The following AGPAT4 variants were observed in gnomAD, a reference collection of about 807,000 sequenced individuals.
AGPAT4 encodes the protein 1-acylglycerol-3-phosphate O-acyltransferase 4, also known as 1-acyl-sn-glycerol-3-phosphate acyltransferase delta.
In AGPAT4, 15 loss-of-function variants were observed where a neutral mutation model predicts 48.0. The ratio of observed to expected loss-of-function variants is 0.31; its 90% CI spans 0.21 to 0.48. The LOEUF is 0.48. Ranked by LOEUF, AGPAT4 falls within the 20% of genes least tolerant of loss-of-function variation. The probability of loss-of-function intolerance (pLI) is 0.99; values close to 1 mark genes in which losing one functional copy is unlikely to be tolerated. For missense variants in AGPAT4, 314 were observed against 482.5 expected (o/e 0.65, Z 3.27); for synonymous variants, 178 against 198.7 (o/e 0.90, Z 0.88).
chr6:161,152,967 G>A (rs1779635229), intron 5 of AGPAT4, among the ~76,000 whole-genome samples: 2 of 152,238 alleles, frequency 1.3e-5, no homozygotes, highest in African/African-American at 2.4e-5. Context: ...CAGACCACAA[G>A]GTCAGAGTTC....
chr6:161,266,466 A>C lies in AGPAT4; in HGVS notation c.-90+7472T>G, dbSNP rs1022145771. Among the ~76,000 whole-genome samples the C allele has an allele frequency of 1.1e-4, 16 of 152,208 alleles. No homozygotes were observed. Among genetic ancestry groups the C allele is most frequent in the Non-Finnish European group, 1.5e-4 (10 of 68,028 alleles). On this transcript the variant is annotated intron_variant, in intron 1 of 8. Coordinates refer to ENST00000320285, the MANE Select transcript of AGPAT4 (RefSeq NM_020133.3). The surrounding 1 kb of genome is among the most constrained non-coding windows in gnomAD (Gnocchi z 6.2). ...TGAAGAGAGGACTGTAATCATTGTCATGGCATGTAATTATGCATCTAGAAA... is the reference window on the plus strand; with the variant it reads ...TGAAGAGAGGACTGTAATCATTGTCCTGGCATGTAATTATGCATCTAGAAA...
chr6:161,232,265 T>A lies in AGPAT4; in HGVS notation c.-52A>T. Reference sequence around the variant, plus strand: ...TAAATAACTACCCACAGTCAAAGATTTCCAGAAGGAAGAAAGATCCAGGAC... The same window carrying A: ...TAAATAACTACCCACAGTCAAAGATATCCAGAAGGAAGAAAGATCCAGGAC... On this transcript the variant is annotated 5_prime_UTR_variant, in exon 2 of 9. Transcript: ENST00000320285. The surrounding 1 kb of genome is among the most constrained non-coding windows in gnomAD (Gnocchi z 6.8). The A allele has an allele frequency of 6.5e-7, 1 of 1,548,624 alleles. No homozygotes were observed. The highest frequency in any genetic ancestry group is 8.8e-7 in the Non-Finnish European group (1 of 1,139,268).
At position 161,146,301 on chromosome 6, in the gene AGPAT4, G is replaced by A. The variant is rs2277091; in HGVS notation, c.843+223C>T. ...GATTGGGGCCATTACTTCTCCCTTG[G>A]TCCACTACACCTAGAGAATAGCTTC... is the stretch of plus-strand genomic sequence containing the variant. On this transcript the variant is annotated intron_variant, in intron 7 of 8. Transcript: ENST00000320285. The surrounding 1 kb of genome is among the most constrained non-coding windows in gnomAD (Gnocchi z 7.1). Among the ~76,000 whole-genome samples, 47,578 of 150,500 alleles carry A rather than the reference G, an allele frequency of 0.32. 9,213 individuals are homozygous for A. The highest frequency in any genetic ancestry group is 0.43 in the Middle Eastern group (125 of 294).
intron 1 of AGPAT4, among the ~76,000 whole-genome samples, chr6:161,263,586 G>A (rs189467544): frequency 6.6e-6 from 1 of 152,206 alleles, no homozygotes; most frequent in East Asian, 1.9e-4. Context: ...GGCAAAAATT[G>A]GAATGAATAT....
At position 161,140,618 on chromosome 6, in the gene AGPAT4, A is replaced by C. The variant is rs1253794862; in HGVS notation, c.844-998T>G. Among the ~76,000 whole-genome samples, 2 of 152,238 alleles carry C rather than the reference A, an allele frequency of 1.3e-5. No homozygotes were observed. The stretch of plus-strand genomic sequence containing the variant: ...ACACAAGGGAGGGACCCAGGAACCC[A>C]GGTCAGCAGGCGTGCTCAAGCGGCT... On this transcript the variant is annotated intron_variant, in intron 7 of 8. Transcript: ENST00000320285. This position sits in a 1 kb window ranked among gnomAD's most constrained non-coding sequence, Gnocchi z 6.5.
chr6:161,204,223 TTG>T lies in AGPAT4; in HGVS notation c.178+27811_178+27812del, dbSNP rs778379045. Among the ~76,000 whole-genome samples, 19 of 152,306 alleles carry T rather than the reference TTG, an allele frequency of 1.2e-4. No homozygotes were observed. In the East Asian group the frequency reaches 3.7e-3, roughly 29 times the overall value. ...ATTAGTAAGTGTACATAAAAGGGAT[TTG>T]TGTGTTTATTAATAATTTTGTCTAT... On this transcript the variant is annotated intron_variant, in intron 2 of 8. Coordinates refer to ENST00000320285, the MANE Select transcript of AGPAT4 (RefSeq NM_020133.3). This position sits in a 1 kb window ranked among gnomAD's most constrained non-coding sequence, Gnocchi z 4.4.
chr6:161,152,694 G>A (rs1342018628), intron 5 of AGPAT4, among the ~76,000 whole-genome samples: 2 of 152,190 alleles, frequency 1.3e-5, no homozygotes, highest in Admixed American at 1.3e-4. Context: ...CTCCAGGAAG[G>A]AGACAGCTTC....
Position 161,261,276 on chromosome 6 carries a change from A to T in AGPAT4, c.-90+12662T>A, listed in dbSNP as rs558016185. On this transcript the variant is annotated intron_variant, in intron 1 of 8. Coordinates refer to ENST00000320285, the MANE Select transcript of AGPAT4 (RefSeq NM_020133.3). This position sits in a 1 kb window ranked among gnomAD's most constrained non-coding sequence, Gnocchi z 5.3. ...GGCCACTTACTGACTGCACGAGTCC[A>T]TGAGACAAACAACAGAAAAGACCCG... 4.6e-5 allele frequency among the ~76,000 whole-genome samples: 7 copies of T among 152,334 alleles called. No homozygotes were observed. The highest frequency in any genetic ancestry group is 1.7e-4 in the African/African-American group (7 of 41,584).
rs1320689500 is a variant in AGPAT4 at position 161,142,122 on chromosome 6, G to A, written c.844-2502C>T. On this transcript the variant is annotated intron_variant, in intron 7 of 8. Transcript: ENST00000320285. This position sits in a 1 kb window ranked among gnomAD's most constrained non-coding sequence, Gnocchi z 6.4. ...TCCTGCCTCAGCCTCCCAAAGTGTTGGGATTACAGGCGTGAGCCATTGCGC... is the reference window on the plus strand; with the variant it reads ...TCCTGCCTCAGCCTCCCAAAGTGTTAGGATTACAGGCGTGAGCCATTGCGC... Among the ~76,000 whole-genome samples, 1 of 152,198 alleles carries A rather than the reference G, an allele frequency of 6.6e-6. No individual in the cohort carries two copies. The highest frequency in any genetic ancestry group is 1.5e-5 in the Non-Finnish European group (1 of 68,038).
Position 161,230,510 on chromosome 6 carries a change from G to A in AGPAT4, c.178+1526C>T, listed in dbSNP as rs561147125. ...AATTATAAACATCTTTTAAATCTCA[G>A]TCAACTGTCTCCTTTCCCTTGATTA... is the stretch of plus-strand genomic sequence containing the variant. On this transcript the variant is annotated intron_variant, in intron 2 of 8. Coordinates refer to ENST00000320285, the MANE Select transcript of AGPAT4 (RefSeq NM_020133.3). 1.1e-4 allele frequency among the ~76,000 whole-genome samples: 16 copies of A among 152,324 alleles called. No homozygotes were observed. In the South Asian group the frequency reaches 3.3e-3, roughly 32 times the overall value.
At chr6:161,192,640 A>G (rs892527978) in intron 2 of AGPAT4, among the ~76,000 whole-genome samples, 1 of 152,114 alleles carries the variant, frequency 6.6e-6, no homozygotes, top group Non-Finnish European at 1.5e-5. Context: ...ATCTCAGGTC[A>G]TCTGAGATCT....
At position 161,165,085 on chromosome 6, in the gene AGPAT4, A is replaced by G. The variant is rs902370973; in HGVS notation, c.348+1163T>C. Among the ~76,000 whole-genome samples the G allele has an allele frequency of 8.5e-5, 13 of 152,168 alleles. No homozygotes were observed. The highest frequency in any genetic ancestry group is 3.1e-4 in the African/African-American group (13 of 41,430). ...GACGGGGTTAGGACCATGACATTCT[A>G]AGGGGCGATCTCTCATCAGAGAGAA... On this transcript the variant is annotated intron_variant, in intron 3 of 8. Coordinates refer to ENST00000320285, the MANE Select transcript of AGPAT4 (RefSeq NM_020133.3). The surrounding 1 kb of genome is among the most constrained non-coding windows in gnomAD (Gnocchi z 5.5).
intron 2 of AGPAT4, among the ~76,000 whole-genome samples, chr6:161,187,111 C>G (rs1296460439): frequency 6.6e-6 from 1 of 152,222 alleles, no homozygotes; most frequent in African/African-American, 2.4e-5. Context: ...ATATGATAAT[C>G]ACTCACAGAA....
At chr6:161,257,476 C>T (rs879478763) in intron 1 of AGPAT4, among the ~76,000 whole-genome samples, 2 of 152,148 alleles carry the variant, frequency 1.3e-5, no homozygotes, top group Admixed American at 1.3e-4. Flanking sequence ...ATGAGAGAGG[C>T]GTTCTAAGCT....
intron 5 of AGPAT4, among the ~76,000 whole-genome samples, chr6:161,150,779 G>A (rs1339013742): frequency 2.0e-5 from 3 of 152,194 alleles, no homozygotes; most frequent in Admixed American, 2.0e-4. Flanking sequence ...ACATTTCCCA[G>A]GCATTTTAAA....
Position 161,232,030 on chromosome 6 carries a change from T to A in AGPAT4, c.178+6A>T. 1 of 1,613,636 alleles carries A rather than the reference T, an allele frequency of 6.2e-7. No homozygotes were observed. The highest frequency in any genetic ancestry group is 1.1e-5 in the South Asian group (1 of 91,000). ...AGACGAAAATATAGAATCTTAAGTA[T>A]CTTACGGCTTGAGATGCAATAGGAC... On this transcript the variant is annotated splice_donor_region_variant and intron_variant, in intron 2 of 8. Transcript: ENST00000320285. This position sits in a 1 kb window ranked among gnomAD's most constrained non-coding sequence, Gnocchi z 6.8.
chr6:161,167,377 C>A (rs759489859), intron 2 of AGPAT4, among the ~76,000 whole-genome samples: 11 of 152,180 alleles, frequency 7.2e-5, no homozygotes, highest in Non-Finnish European at 1.5e-4. Flanking sequence ...AGGTGTGCAC[C>A]ACCATGCCCA....
chr6:161,248,672 T>C (rs1224890481), intron 1 of AGPAT4, among the ~76,000 whole-genome samples: 4 of 151,188 alleles, frequency 2.6e-5, no homozygotes, highest in African/African-American at 9.8e-5. Context: ...AAATCAGAGA[T>C]GACACAACGA....
In AGPAT4 at chr6:161,208,734, C is replaced by T. The variant is rs528050047; in HGVS notation, c.178+23302G>A. Among the ~76,000 whole-genome samples the T allele has an allele frequency of 2.0e-5, 3 of 152,114 alleles. No homozygotes were observed. The highest frequency in any genetic ancestry group is 6.5e-5 in the Admixed American group (1 of 15,280). ...GTGTTCAAAAGAAAACTATTTGGTG[C>T]TGATTTATTTAAATAAAAAATTATT... On this transcript the variant is annotated intron_variant, in intron 2 of 8. Coordinates refer to ENST00000320285, the MANE Select transcript of AGPAT4 (RefSeq NM_020133.3). This position sits in a 1 kb window ranked among gnomAD's most constrained non-coding sequence, Gnocchi z 4.6.
Sources: allele counts gnomAD v4.1 joint callset (sites outside exome capture counted in the v4.1 genomes callset), GRCh38; gene constraint gnomAD v4.1.1; non-coding constraint Gnocchi (gnomAD v3.1); transcripts MANE v1.5; gene names NCBI Gene and HGNC (gene_info 2026-07-23, HGNC 2026-07-21).